Variants in SPG11 observed in about 807,000 individuals in gnomAD.
SPG11 encodes spatacsin.
SPG11 carries 222 observed loss-of-function variants against 274.0 expected under a neutral mutation model. The ratio of observed to expected loss-of-function variants is 0.81; its 90% CI spans 0.73 to 0.91. The LOEUF is 0.91. SPG11 is among the 40% of genes least tolerant of loss of function. The pLI, the probability that SPG11 is intolerant of heterozygous loss-of-function variation, is 0.00. For missense variants in SPG11, 3,114 were observed against 2,872.7 expected (o/e 1.08, Z -1.92); for synonymous variants, 1,144 against 1,039.7 (o/e 1.10, Z -1.93).
At chr15:44,610,622 C>A (rs2083436209) in intron 18 of SPG11, among the ~76,000 whole-genome samples, 1 of 152,152 alleles carries the variant, frequency 6.6e-6, no homozygotes, top group Non-Finnish European at 1.5e-5. Flanking sequence ...AAGTGATCCG[C>A]CTGCCTCGGC....
At chr15:44,576,929 C>T (rs996975282) in intron 30 of SPG11, among the ~76,000 whole-genome samples, 7 of 151,784 alleles carry the variant, frequency 4.6e-5, no homozygotes, top group Non-Finnish European at 8.8e-5. Flanking sequence ...TGAGTTCAAG[C>T]GATTCTCCTG....
At chr15:44,608,715 G>A in intron 18 of SPG11, 110 bp from the exon 19 acceptor site, 1 of 1,034,582 alleles carries the variant, frequency 9.7e-7, no homozygotes, top group Non-Finnish European at 1.4e-6. Flanking sequence ...AGAGTATGTG[G>A]TAGTGAATAT....
chr15:44,654,260 AG>A (rs200698260), intron 4 of SPG11, among the ~76,000 whole-genome samples: 4,833 of 152,332 alleles, frequency 0.032, 278 homozygotes, highest in African/African-American at 0.11. Flanking sequence ...CTGTAATCCC[AG>A]CACTTTGGGA....
chr15:44,563,373 C>T, intron 39 of SPG11, 72 bp from the exon 40 acceptor site: 1 of 1,431,796 alleles, frequency 7.0e-7, no homozygotes, highest in East Asian at 2.3e-5. Flanking sequence ...CAGTCTTACT[C>T]TGTTGCCCAG....
At chr15:44,624,364 G>T (rs889219082) in intron 11 of SPG11, among the ~76,000 whole-genome samples, 6 of 151,732 alleles carry the variant, frequency 4.0e-5, no homozygotes, top group Non-Finnish European at 7.4e-5. Context: ...AGGAAAACCT[G>T]CAATTTTAAA....
rs1312904222 is a variant in SPG11 at position 44,564,606 on chromosome 15, C to T, written c.7092G>A (p.Leu2364=). ...ATAACCTTTGCTGCTTAAATTCTTCCAAGTAATTAAAGTCTCCTTTAAGAA... is the reference window on the plus strand; with the variant it reads ...ATAACCTTTGCTGCTTAAATTCTTCTAAGTAATTAAAGTCTCCTTTAAGAA... The part of the protein sequence containing the change: ...QVILKGDFNY[L]EEFKQQRLLK... Residue 2364 remains leucine, a synonymous_variant, in exon 39 of 40, where the codon TTG becomes TTA. Coordinates refer to ENST00000261866, the MANE Select transcript of SPG11 (RefSeq NM_025137.4). The T allele has an allele frequency of 3.7e-6, 6 of 1,613,652 alleles. No homozygotes were observed. In the African/African-American group the frequency reaches 8.0e-5, roughly 22 times the overall value.
At chr15:44,579,993 C>T (rs974254022) in intron 30 of SPG11, among the ~76,000 whole-genome samples, 2 of 151,748 alleles carry the variant, frequency 1.3e-5, no homozygotes, top group Non-Finnish European at 1.5e-5. Context: ...TTCACATTTA[C>T]TTACCACTTA....
Position 44,573,575 on chromosome 15 carries a change from C to T in SPG11, c.6177G>A (p.Arg2059=). 6.2e-7 allele frequency: 1 copy of T among 1,614,128 alleles called. No homozygotes were observed. The highest frequency in any genetic ancestry group is 8.5e-7 in the Non-Finnish European group (1 of 1,180,022). ...TTCCCTGTGATGAAGTAAGCAGCTC[C>T]CGTGTCACCTCTTCTGCCACGAGTT... ...VAELVAEEVT[R]ELLTSSQGTG... is the part of the protein sequence containing the mutation. Residue 2059 remains arginine (R), a synonymous_variant, in exon 32 of 40, where the codon CGG becomes CGA. Coordinates refer to ENST00000261866, the MANE Select transcript of SPG11 (RefSeq NM_025137.4).
chr15:44,562,979 G>C lies in SPG11; in HGVS notation c.*142C>G, dbSNP rs2082223120. On this transcript the variant is annotated 3_prime_UTR_variant, in exon 40 of 40. Transcript: ENST00000261866. ...TTTCCTCCTGAAAAGTTTCTTACTT[G>C]CTACCTACTACCCACAAAGGACTGA... 1.3e-6 allele frequency: 1 copy of C among 745,196 alleles called. No homozygotes were observed. Among genetic ancestry groups the C allele is most frequent in the Non-Finnish European group, 2.2e-6 (1 of 454,532 alleles). 46.2% of individuals were successfully genotyped at this position (745,196 alleles called of 1,614,324 possible).
At chr15:44,656,626 C>T (rs571463010) in intron 4 of SPG11, among the ~76,000 whole-genome samples, 35 of 152,088 alleles carry the variant, frequency 2.3e-4, no homozygotes, top group African/African-American at 8.4e-4. Flanking sequence ...GGGGGAGGGA[C>T]GACTTCAAAT....
intron 27 of SPG11, 54 bp from the exon 28 acceptor site, chr15:44,589,468 C>A: frequency 1.2e-6 from 2 of 1,606,176 alleles, no homozygotes; most frequent in South Asian, 2.2e-5. Context: ...AATAGCAAAT[C>A]AAAACCTCCA....
rs1336286554 is a variant in SPG11, at chr15:44,659,314, A to G, written c.443-11T>C. The G allele has an allele frequency of 2.5e-6, 4 of 1,600,248 alleles. No individual in the cohort carries two copies. The highest frequency in any genetic ancestry group is 3.4e-6 in the Non-Finnish European group (4 of 1,167,814). On this transcript the variant is annotated splice_polypyrimidine_tract_variant and intron_variant, in intron 2 of 39. Coordinates refer to ENST00000261866, the MANE Select transcript of SPG11 (RefSeq NM_025137.4). ...ACAATAAGGAAATACCTACAAAACA[A>G]AAGGATATTATTTCAAACTCATTGG...
chr15:44,566,490 A>T (rs1257331072), intron 36 of SPG11, among the ~76,000 whole-genome samples, 185 bp from the exon 37 acceptor site: 1 of 152,228 alleles, frequency 6.6e-6, no homozygotes, highest in Non-Finnish European at 1.5e-5. Flanking sequence ...TTCACTCCGC[A>T]GTAGGATTCA....
At chr15:44,573,281 G>C (rs909240946) in intron 32 of SPG11, 1 of 606,158 alleles carries the variant, frequency 1.6e-6, no homozygotes. Context: ...CACCGCGCCC[G>C]GCCAGGACAG....
chr15:44,661,640 T>G (rs980585058), intron 1 of SPG11, among the ~76,000 whole-genome samples: 5 of 152,106 alleles, frequency 3.3e-5, no homozygotes, highest in African/African-American at 1.2e-4. Context: ...TTTTTCTGAC[T>G]GTTCATATTG....
At chr15:44,624,775 T>C (rs2083851688) in intron 11 of SPG11, among the ~76,000 whole-genome samples, 2 of 152,198 alleles carry the variant, frequency 1.3e-5, no homozygotes, top group Non-Finnish European at 2.9e-5. Flanking sequence ...CATCATATTG[T>C]ATACCTTAAA....
chr15:44,651,692 T>C lies in SPG11; in HGVS notation c.1255A>G (p.Ser419Gly), dbSNP rs747719668. The C allele has an allele frequency of 5.0e-6, 8 of 1,614,274 alleles. No individual in the cohort carries two copies. The highest frequency in any genetic ancestry group is 1.3e-5 in the African/African-American group (1 of 75,072). ...AGCTCTATGGGTTCCTCTTGTTCAC[T>C]GATGTGCATTATTTTCCATGATCTT... The part of the protein sequence containing the change: ...PGRSWKIMHI[S>G]EQEEPIELKC... The change falls in exon 6 of 40, where the codon AGT (serine) becomes GGT (glycine). Residue 419 changes from serine (S) to glycine (G), a missense_variant. Coordinates refer to ENST00000261866, the MANE Select transcript of SPG11 (RefSeq NM_025137.4).
In SPG11 at chr15:44,622,338, A is replaced by C. The variant is rs1379764955; in HGVS notation, c.2326T>G (p.Leu776Val). The C allele has an allele frequency of 6.4e-7, 1 of 1,557,126 alleles. No individual in the cohort carries two copies. Reference protein sequence around the residue: ...KNIRDFLVEILKEKNYFSEKE... With the variant: ...KNIRDFLVEIVKEKNYFSEKE... ...TCAGAAAAATAATTTTTTTCTTTTA[A>C]AATTTCAACCTTGAATAAAAAGTAA... is the stretch of plus-strand genomic sequence containing the variant. Residue 776 changes from leucine to valine, a missense_variant, in exon 13 of 40, where the codon TTA becomes GTA. By Grantham distance (32) the Leu-to-Val change is conservative. Transcript: ENST00000261866.
chr15:44,577,065 TG>T (rs2082554494), intron 30 of SPG11, among the ~76,000 whole-genome samples: 1 of 152,164 alleles, frequency 6.6e-6, no homozygotes, highest in African/African-American at 2.4e-5. Flanking sequence ...TGACCTCAGG[TG>T]ATCTGCCCAC....
Sources: allele counts gnomAD v4.1 joint callset (sites outside exome capture counted in the v4.1 genomes callset), GRCh38; gene constraint gnomAD v4.1.1; transcripts MANE v1.5; gene names NCBI Gene and HGNC (gene_info 2026-07-23, HGNC 2026-07-21).